Variants in TBC1D32 observed in about 807,000 individuals in gnomAD.
The protein encoded by TBC1D32 is TBC1 domain family member 32.
Under a neutral mutation model 170.3 loss-of-function variants are expected in TBC1D32, and 151 were observed. The observed-to-expected ratio is 0.89, with a 90% CI of 0.78 to 1.01. The LOEUF (loss-of-function observed/expected upper bound fraction) is 1.01, where lower values mean the gene tolerates loss of function less well. TBC1D32 is among the 50% of genes least tolerant of loss of function. TBC1D32 has a pLI of 0.00. For synonymous variants in TBC1D32, 498 were observed against 488.0 expected (o/e 1.02, Z -0.27); for missense variants, 1,464 against 1,457.1 (o/e 1.00, Z -0.08).
chr6:121,179,942 G>A (rs551688228), intron 22 of TBC1D32, among the ~76,000 whole-genome samples: 2 of 152,050 alleles, frequency 1.3e-5, no homozygotes, highest in Non-Finnish European at 2.9e-5. Context: ...TGTGCTTCCA[G>A]TGTCCATGCT....
intron 1 of TBC1D32, among the ~76,000 whole-genome samples, chr6:121,332,892 G>A (rs1354897806): frequency 6.6e-6 from 1 of 151,950 alleles, no homozygotes; most frequent in African/African-American, 2.4e-5. Context: ...AAATACAAAA[G>A]AAAAAGAAAC....
chr6:121,263,386 G>T (rs991998207), intron 15 of TBC1D32, among the ~76,000 whole-genome samples: 1 of 152,114 alleles, frequency 6.6e-6, no homozygotes, highest in African/African-American at 2.4e-5. Context: ...AACAAGAAGA[G>T]CTAACTATCC....
intron 25 of TBC1D32, among the ~76,000 whole-genome samples, chr6:121,130,736 AT>A (rs1345358967): frequency 6.6e-6 from 1 of 152,122 alleles, no homozygotes; most frequent in Non-Finnish European, 1.5e-5. Flanking sequence ...TGCTTTCTTA[AT>A]TTGTTGTGCA....
At chr6:121,159,947 C>CT (rs918256582) in intron 24 of TBC1D32, 63 bp downstream of exon 24, 46 of 1,168,324 alleles carry the variant, frequency 3.9e-5, no homozygotes, top group Non-Finnish European at 5.3e-5. Flanking sequence ...TTAATATTTT[C>CT]TTTTTTTCAA....
At chr6:121,319,483 G>C (rs181891659) in intron 2 of TBC1D32, among the ~76,000 whole-genome samples, 1 of 152,114 alleles carries the variant, frequency 6.6e-6, no homozygotes, top group African/African-American at 2.4e-5. Context: ...AATTCTAGCT[G>C]GTCACAGGAC....
chr6:121,306,744 T>C (rs1312137981), intron 5 of TBC1D32, among the ~76,000 whole-genome samples: 1 of 152,194 alleles, frequency 6.6e-6, no homozygotes, highest in African/African-American at 2.4e-5. Flanking sequence ...TTTCATCATA[T>C]GATAACTGTT....
chr6:121,085,145 T>C (rs1040349919), intron 31 of TBC1D32, among the ~76,000 whole-genome samples: 1 of 150,666 alleles, frequency 6.6e-6, no homozygotes, highest in Non-Finnish European at 1.5e-5. Context: ...TTTATGAATA[T>C]AGTTCTGCTC....
At chr6:121,106,978 A>T (rs929249146) in intron 29 of TBC1D32, among the ~76,000 whole-genome samples, 1 of 151,916 alleles carries the variant, frequency 6.6e-6, no homozygotes, top group Admixed American at 6.6e-5. Context: ...TTTAACAAAG[A>T]GTAATAAACC....
chr6:121,161,885 C>T (rs148630500), intron 22 of TBC1D32, among the ~76,000 whole-genome samples: 2,410 of 152,134 alleles, frequency 0.016, 19 homozygotes, highest in Middle Eastern at 0.031. Context: ...CTGACTGGTG[C>T]GAGATGATAT....
At chr6:121,308,563 G>A (rs1191882909) in intron 4 of TBC1D32, among the ~76,000 whole-genome samples, 1 of 151,470 alleles carries the variant, frequency 6.6e-6, no homozygotes, top group Non-Finnish European at 1.5e-5. Context: ...CAATCAGTTT[G>A]AACTTGTTTT....
chr6:121,145,459 A>G (rs1298045), intron 24 of TBC1D32, among the ~76,000 whole-genome samples: 27,964 of 151,922 alleles, frequency 0.18, 3,466 homozygotes, highest in African/African-American at 0.33. Context: ...CAGAAGCTGG[A>G]GGGCAGGGTA....
chr6:121,246,119 T>C (rs1404534321), intron 17 of TBC1D32, among the ~76,000 whole-genome samples: 16 of 151,810 alleles, frequency 1.1e-4, no homozygotes. Context: ...TGGAGAAAAA[T>C]TAAATAAATA....
intron 22 of TBC1D32, among the ~76,000 whole-genome samples, chr6:121,190,900 T>C (rs896038615): frequency 6.6e-6 from 1 of 151,660 alleles, no homozygotes; most frequent in Admixed American, 6.6e-5. Flanking sequence ...CTTCTCTTTA[T>C]CCCGCCACTT....
intron 24 of TBC1D32, among the ~76,000 whole-genome samples, chr6:121,154,184 T>C (rs888089393): frequency 6.6e-6 from 1 of 152,164 alleles, no homozygotes; most frequent in Non-Finnish European, 1.5e-5. Context: ...GCGTAGTACC[T>C]GGACTGGATA....
At chr6:121,120,836 A>G (rs1480331660) in intron 26 of TBC1D32, among the ~76,000 whole-genome samples, 2 of 151,984 alleles carry the variant, frequency 1.3e-5, no homozygotes, top group African/African-American at 2.4e-5. Context: ...TTCGTTTAAT[A>G]GTATCTTGTA....
chr6:121,296,552 C>T (rs1252734020), intron 10 of TBC1D32, among the ~76,000 whole-genome samples: 3 of 152,162 alleles, frequency 2.0e-5, no homozygotes, highest in African/African-American at 7.2e-5. Context: ...TCTGAGGCCT[C>T]AATCACAACC....
At chr6:121,292,249 C>T in intron 11 of TBC1D32, 56 bp from the exon 12 acceptor site, 1 of 1,498,038 alleles carries the variant, frequency 6.7e-7, no homozygotes, top group Non-Finnish European at 9.1e-7. Flanking sequence ...TTTACAGTAC[C>T]TGTCTTCATT....
At chr6:121,276,705 T>C (rs1242260549) in intron 15 of TBC1D32, among the ~76,000 whole-genome samples, 1 of 152,124 alleles carries the variant, frequency 6.6e-6, no homozygotes, top group Non-Finnish European at 1.5e-5. Context: ...AGGAAAAGGA[T>C]GGAGGAAAGA....
At chr6:121,266,293 A>T (rs1800471441) in intron 15 of TBC1D32, among the ~76,000 whole-genome samples, 1 of 152,228 alleles carries the variant, frequency 6.6e-6, no homozygotes, top group African/African-American at 2.4e-5. Context: ...ACATTTATGC[A>T]GCCAACAAAC....
Sources: gnomAD v4.1 joint callset for allele counts (sites outside exome capture counted in the v4.1 genomes callset) on GRCh38, gnomAD v4.1.1 for gene constraint, MANE v1.5 for transcripts, NCBI Gene and HGNC (gene_info 2026-07-23, HGNC 2026-07-21) for gene names.